HDAC7: variants seen among roughly 807,000 people sequenced by gnomAD.
HDAC7 encodes the protein histone deacetylase 7A.
In HDAC7, 26 loss-of-function variants were observed where a neutral mutation model predicts 115.5. The ratio of observed to expected loss-of-function variants is 0.23; its 90% CI spans 0.16 to 0.31. The LOEUF (loss-of-function observed/expected upper bound fraction) is 0.31. Ranked by LOEUF, HDAC7 falls within the 10% of genes least tolerant of loss-of-function variation. The pLI is 1.00. For synonymous variants in HDAC7, 564 were observed against 550.9 expected (o/e 1.02, Z -0.33); for missense variants, 1,068 against 1,329.0 (o/e 0.80, Z 3.05).
intron 1 of HDAC7, among the ~76,000 whole-genome samples, chr12:47,817,199 T>A (rs1944875598): frequency 6.6e-6 from 1 of 152,088 alleles, no homozygotes; most frequent in Non-Finnish European, 1.5e-5. Flanking sequence ...TCTCACAGCC[T>A]CCTTCTCCAG....
At chr12:47,806,008 C>T (rs1944386405) in intron 1 of HDAC7, among the ~76,000 whole-genome samples, 1 of 152,220 alleles carries the variant, frequency 6.6e-6, no homozygotes, top group African/African-American at 2.4e-5. Context: ...ATTCAGAGAG[C>T]CCAAAAGTTG....
rs1592676751 is a variant in HDAC7 at position 47,802,164 on chromosome 12, A to G, written c.70+60T>C. The G allele has an allele frequency of 9.1e-6, 14 of 1,537,370 alleles. No homozygotes were observed. In the East Asian group the frequency reaches 3.0e-4, roughly 33 times the overall value. On this transcript the variant is annotated intron_variant, in intron 2 of 25. Coordinates refer to ENST00000080059, the MANE Select transcript of HDAC7 (RefSeq NM_015401.5). Reference sequence around the variant, plus strand: ...ACCCCTCAGCTTCTCGCGTTCTTACAGCCTTTCCACCCCTCATCTTCCACT... The same window carrying G: ...ACCCCTCAGCTTCTCGCGTTCTTACGGCCTTTCCACCCCTCATCTTCCACT...
intron 15 of HDAC7, 122 bp from the exon 16 acceptor site, chr12:47,791,430 G>A: frequency 2.2e-6 from 3 of 1,362,672 alleles, no homozygotes; most frequent in East Asian, 2.5e-5. Context: ...GGAAGGGAGA[G>A]GTGGAGGTGG....
intron 1 of HDAC7, among the ~76,000 whole-genome samples, chr12:47,806,274 G>A (rs186891962): frequency 1.4e-4 from 21 of 152,354 alleles, no homozygotes; most frequent in African/African-American, 2.2e-4. Flanking sequence ...TTGGCTTTGC[G>A]GTCAGATGGG....
upstream of HDAC7, among the ~76,000 whole-genome samples, chr12:47,820,882 T>G (rs1301584187): frequency 6.6e-6 from 1 of 152,168 alleles, no homozygotes; most frequent in Non-Finnish European, 1.5e-5. This position sits in a 1 kb window ranked among gnomAD's most constrained non-coding sequence, Gnocchi z 4.3. Flanking sequence ...CAGGGCCGGC[T>G]TTAGGCAGTG....
chr12:47,793,646 C>A lies in HDAC7; in HGVS notation c.1459-58G>T. 7.4e-7 allele frequency: 1 copy of A among 1,349,540 alleles called. No homozygotes were observed. 83.6% of individuals were successfully genotyped at this position (1,349,540 alleles called of 1,614,324 possible). A position where few individuals can be genotyped will look rare whatever the true frequency, so the allele number is the denominator to read the frequency against. ...TTTCAGGGTCCTGCTCCCTCTACTT[C>A]TGCCTGAGGTCTTGGGAACTGCCAA... On this transcript the variant is annotated intron_variant, in intron 12 of 25. Coordinates refer to ENST00000080059, the MANE Select transcript of HDAC7 (RefSeq NM_015401.5). The surrounding 1 kb of genome is among the most constrained non-coding windows in gnomAD (Gnocchi z 4.5).
At chr12:47,805,991 A>T (rs974277938) in intron 1 of HDAC7, among the ~76,000 whole-genome samples, 6 of 152,284 alleles carry the variant, frequency 3.9e-5, no homozygotes, top group African/African-American at 9.6e-5. Flanking sequence ...TGCAGATACT[A>T]AAAAAAATTC....
chr12:47,785,919 G>A (rs753216865), intron 22 of HDAC7, 34 bp from the exon 23 acceptor site: 2 of 1,549,842 alleles, frequency 1.3e-6, no homozygotes, highest in Non-Finnish European at 1.7e-6. Flanking sequence ...GGGAGGGGCG[G>A]GAGTGGAGAG....
chr12:47,810,592 G>T (rs552394463), intron 1 of HDAC7, among the ~76,000 whole-genome samples: 1 of 152,052 alleles, frequency 6.6e-6, no homozygotes, highest in Non-Finnish European at 1.5e-5. Flanking sequence ...CCATTTTAAA[G>T]TGTACCATTT....
intron 7 of HDAC7, among the ~76,000 whole-genome samples, chr12:47,796,527 G>A (rs913468585): frequency 4.6e-5 from 7 of 151,214 alleles, no homozygotes; most frequent in Admixed American, 2.6e-4. Context: ...GGGTTCAAGC[G>A]ATTCTCCTGG....
At position 47,798,667 on chromosome 12, in the gene HDAC7, G is replaced by A. The variant is rs779670338; in HGVS notation, c.259-15C>T. 2.0e-5 allele frequency: 32 copies of A among 1,607,940 alleles called. No homozygotes were observed. Among genetic ancestry groups the A allele is most frequent in the South Asian group, 1.2e-4 (11 of 90,012 alleles). On this transcript the variant is annotated splice_polypyrimidine_tract_variant and intron_variant, in intron 3 of 25. Coordinates refer to ENST00000080059, the MANE Select transcript of HDAC7 (RefSeq NM_015401.5). This position sits in a 1 kb window ranked among gnomAD's most constrained non-coding sequence, Gnocchi z 4.3. ...TCCATGGAGAGCTGTGGGCAGGGCCGGCAGCCCAGAAAGGGACAAGGAGTT... is the reference window on the plus strand; with the variant it reads ...TCCATGGAGAGCTGTGGGCAGGGCCAGCAGCCCAGAAAGGGACAAGGAGTT...
Position 47,783,754 on chromosome 12 carries a change from A to C in HDAC7, c.*87T>G. 7.3e-7 allele frequency: 1 copy of C among 1,361,270 alleles called. No individual in the cohort carries two copies. The allele number at this position is 1,361,270 out of a possible 1,614,324, so 84.3% of individuals were successfully genotyped here. A position where few individuals can be genotyped will look rare whatever the true frequency, so the allele number is the denominator to read the frequency against. ...CCAACTACTTGCCCACAGGATCTCT[A>C]AAGACCCAGGAATGGGGGCTATTGC... is the stretch of plus-strand genomic sequence containing the variant. On this transcript the variant is annotated 3_prime_UTR_variant, in exon 26 of 26. Coordinates refer to ENST00000080059, the MANE Select transcript of HDAC7 (RefSeq NM_015401.5).
chr12:47,811,271 G>C (rs190806824), intron 1 of HDAC7, among the ~76,000 whole-genome samples: 98 of 152,266 alleles, frequency 6.4e-4, no homozygotes, highest in African/African-American at 2.3e-3. Flanking sequence ...TTGCAGCCAG[G>C]CTGCCCTTGA....
At chr12:47,802,480 A>T in intron 1 of HDAC7, 1 of 1,551,204 alleles carries the variant, frequency 6.4e-7, no homozygotes. Context: ...AAGGGCTCCC[A>T]GCTCCCTCTT....
At position 47,783,643 on chromosome 12, in the gene HDAC7, G is replaced by A; in HGVS notation, c.*198C>T. The A allele has an allele frequency of 1.6e-6, 1 of 626,812 alleles. No individual in the cohort carries two copies. The highest frequency in any genetic ancestry group is 2.6e-5 in the Admixed American group (1 of 37,798). 38.8% of individuals were successfully genotyped at this position (626,812 alleles called of 1,614,324 possible). A position where few individuals can be genotyped will look rare whatever the true frequency, so the allele number is the denominator to read the frequency against. ...CGCCGCCCAGCCCGTCTCCTCTCAGGGTCCTCTCCAGTTCCCATTCTAGAC... is the reference window on the plus strand; with the variant it reads ...CGCCGCCCAGCCCGTCTCCTCTCAGAGTCCTCTCCAGTTCCCATTCTAGAC... On this transcript the variant is annotated 3_prime_UTR_variant, in exon 26 of 26. Coordinates refer to ENST00000080059, the MANE Select transcript of HDAC7 (RefSeq NM_015401.5).
chr12:47,785,417 G>A lies in HDAC7; in HGVS notation c.2761C>T (p.Arg921Cys), dbSNP rs73107950. ...ACCCGGATCACGGCCTCCAGAGAGC[G>A]GATGGCATTGAGGTTGGGTTTCTGT... Reference protein sequence around the residue: ...WKQKPNLNAIRSLEAVIRVHS... With the variant: ...WKQKPNLNAICSLEAVIRVHS... Residue 921 changes from arginine (R) to cysteine (C), a missense_variant, in exon 24 of 26, where the codon CGC becomes TGC. Coordinates refer to ENST00000080059, the MANE Select transcript of HDAC7 (RefSeq NM_015401.5). 1.4e-5 allele frequency: 23 copies of A among 1,612,834 alleles called. No individual in the cohort carries two copies. Among genetic ancestry groups the A allele is most frequent in the East Asian group, 2.2e-5 (1 of 44,826 alleles).
At chr12:47,787,596 G>T in intron 21 of HDAC7, 116 bp downstream of exon 21, 1 of 679,028 alleles carries the variant, frequency 1.5e-6, no homozygotes. Context: ...CACCTACAAT[G>T]TCTAGGAACT....
rs142628423 is a variant in HDAC7 at position 47,794,079 on chromosome 12, TG to T, written c.1459-492del. Among the ~76,000 whole-genome samples the T allele has an allele frequency of 8.2e-3, 1,246 of 152,240 alleles. 19 individuals are homozygous for T. Among genetic ancestry groups the T allele is most frequent in the African/African-American group, 0.028 (1,174 of 41,522 alleles). ...TCAAATTAAAATGAGGTCGTTAGGG[TG>T]GGCCTTAACCCAGTATGACTATTGT... On this transcript the variant is annotated intron_variant, in intron 12 of 25. Coordinates refer to ENST00000080059, the MANE Select transcript of HDAC7 (RefSeq NM_015401.5).
chr12:47,783,861 C>G lies in HDAC7; in HGVS notation c.2956G>C (p.Glu986Gln), dbSNP rs780589170. Residue 986 changes from glutamate to glutamine, a missense_variant, in exon 26 of 26, where the codon GAA becomes CAA. Glu to Gln is a conservative substitution (Grantham distance 29). This residue lies in a region of HDAC7 where 98 missense variants were observed against 123.9 expected (regional missense o/e 0.79). Transcript: ENST00000080059. ...DRPSEQLVEE[E>Q]EPMNL ...GAGCCTTAGAGATTCATAGGTTCTT[C>G]CTCCTCCACCAGCTGCTCCGAGGGC... is the stretch of plus-strand genomic sequence containing the variant. 6.2e-7 allele frequency: 1 copy of G among 1,611,756 alleles called. No individual in the cohort carries two copies. The highest frequency in any genetic ancestry group is 8.5e-7 in the Non-Finnish European group (1 of 1,179,430).
Sources: gnomAD v4.1 joint callset for allele counts (sites outside exome capture counted in the v4.1 genomes callset) on GRCh38, gnomAD v4.1.1 for gene constraint, gnomAD v4.1.1 regional missense constraint, Gnocchi (gnomAD v3.1) non-coding constraint, MANE v1.5 for transcripts, NCBI Gene and HGNC (gene_info 2026-07-23, HGNC 2026-07-21) for gene names.